The following KCTD8 variants were observed in gnomAD, a reference collection of about 807,000 sequenced individuals.
KCTD8 encodes the protein potassium channel tetramerization domain containing 8.
A neutral mutation model predicts 31.5 loss-of-function variants in KCTD8; 27 were observed. That is an observed-to-expected ratio of 0.86 (90% CI 0.63 to 1.18). The LOEUF is 1.18. Ranked by LOEUF, KCTD8 falls within the 50% of genes most tolerant of loss-of-function variation. The pLI, the probability that KCTD8 is intolerant of heterozygous loss-of-function variation, is 0.00. For missense variants in KCTD8, 658 were observed against 647.7 expected (o/e 1.02, Z -0.17); for synonymous variants, 290 against 280.0 (o/e 1.04, Z -0.36).
chr4:44,207,364 A>G (rs1433329999), intron 1 of KCTD8, among the ~76,000 whole-genome samples: 3 of 152,056 alleles, frequency 2.0e-5, no homozygotes, highest in Admixed American at 6.6e-5. Context: ...CCCCATCTCT[A>G]CTTCTTCCTG....
chr4:44,197,835 C>A (rs1467925755), intron 1 of KCTD8, among the ~76,000 whole-genome samples: 1 of 152,158 alleles, frequency 6.6e-6, no homozygotes, highest in Non-Finnish European at 1.5e-5. Flanking sequence ...AAATAACAGA[C>A]ACAGAATTCA....
chr4:44,287,083 T>C (rs528628747), intron 1 of KCTD8, among the ~76,000 whole-genome samples: 1 of 152,132 alleles, frequency 6.6e-6, no homozygotes. Context: ...AAACATCCTA[T>C]AGATATAAAC....
In KCTD8 at chr4:44,300,339, G is replaced by GA. The variant is rs200322603; in HGVS notation, c.962-125090dup. On this transcript the variant is annotated intron_variant, in intron 1 of 1. Transcript: ENST00000360029. ...GGATCTAATTACAATCATGCTATCA[G>GA]AAAAAAAAGGTTATATTCATGTACA... is the stretch of plus-strand genomic sequence containing the variant. Among the ~76,000 whole-genome samples the GA allele has an allele frequency of 1.7e-4, 26 of 151,130 alleles. No homozygotes were observed. The South Asian group carries it at 2.5e-3, about 15-fold the overall frequency.
At chr4:44,286,851 T>C (rs767160294) in intron 1 of KCTD8, among the ~76,000 whole-genome samples, 3 of 151,896 alleles carry the variant, frequency 2.0e-5, no homozygotes, top group Non-Finnish European at 4.4e-5. Flanking sequence ...AAGATGATGG[T>C]GAGAGTGGAT....
chr4:44,362,458 G>A (rs1719523089), intron 1 of KCTD8, among the ~76,000 whole-genome samples: 1 of 151,986 alleles, frequency 6.6e-6, no homozygotes. Context: ...CAAATACATA[G>A]TCTTTCTACA....
chr4:44,282,200 T>C (rs1356630323), intron 1 of KCTD8, among the ~76,000 whole-genome samples: 1 of 152,032 alleles, frequency 6.6e-6, no homozygotes, highest in Non-Finnish European at 1.5e-5. Flanking sequence ...GGGGTCATTT[T>C]CCCAGTAGCA....
chr4:44,176,620 T>C lies in KCTD8; in HGVS notation c.962-1370A>G, dbSNP rs141761344. Among the ~76,000 whole-genome samples, 798 of 152,330 alleles carry C rather than the reference T, an allele frequency of 5.2e-3. 3 individuals are homozygous for C. The highest frequency in any genetic ancestry group is 0.019 in the African/African-American group (783 of 41,592). On this transcript the variant is annotated intron_variant, in intron 1 of 1. Transcript: ENST00000360029. ...TTCTATTCAAAAATTAGAAGAAACA[T>C]AAGTCAATGCCAAATATCGAATTAA...
At chr4:44,362,052 T>C (rs1719511565) in intron 1 of KCTD8, among the ~76,000 whole-genome samples, 1 of 152,130 alleles carries the variant, frequency 6.6e-6, no homozygotes, top group Non-Finnish European at 1.5e-5. Context: ...ATTGGTAGCA[T>C]TTCAACAAAT....
chr4:44,369,312 T>G (rs1719722146), intron 1 of KCTD8, among the ~76,000 whole-genome samples: 1 of 152,230 alleles, frequency 6.6e-6, no homozygotes, highest in Non-Finnish European at 1.5e-5. Flanking sequence ...GTCTGCCTTC[T>G]ATATAGAAGA....
At chr4:44,321,341 T>C (rs1718291383) in intron 1 of KCTD8, among the ~76,000 whole-genome samples, 1 of 152,206 alleles carries the variant, frequency 6.6e-6, no homozygotes, top group Non-Finnish European at 1.5e-5. Context: ...GTTCCTCAAC[T>C]TGATGGCAAC....
intron 1 of KCTD8, among the ~76,000 whole-genome samples, chr4:44,347,921 T>C (rs1185458436): frequency 1.3e-5 from 2 of 152,190 alleles, no homozygotes; most frequent in Admixed American, 6.5e-5. Context: ...TAGGGCATAA[T>C]ACAGCCTTTC....
chr4:44,259,961 T>A (rs1716112944), intron 1 of KCTD8, among the ~76,000 whole-genome samples: 1 of 151,798 alleles, frequency 6.6e-6, no homozygotes, highest in South Asian at 2.1e-4. Flanking sequence ...ATATCATAGG[T>A]TTAAATGTGA....
chr4:44,212,883 C>G (rs1172912906), intron 1 of KCTD8, among the ~76,000 whole-genome samples: 2 of 152,008 alleles, frequency 1.3e-5, no homozygotes, highest in Non-Finnish European at 2.9e-5. Context: ...TTCATTTTTA[C>G]TTTGTTTCAC....
intron 1 of KCTD8, among the ~76,000 whole-genome samples, chr4:44,306,442 A>C (rs967568304): frequency 6.6e-6 from 1 of 152,050 alleles, no homozygotes; most frequent in African/African-American, 2.4e-5. Context: ...GGCTTTTTCT[A>C]ATATAATTTA....
chr4:44,439,902 T>TATG (rs1721774298), intron 1 of KCTD8, among the ~76,000 whole-genome samples: 1 of 37,344 alleles, frequency 2.7e-5, no homozygotes, highest in South Asian at 9.6e-4. Flanking sequence ...TCATTTATTT[T>TATG]TATTTATTTA....
intron 1 of KCTD8, among the ~76,000 whole-genome samples, chr4:44,407,614 G>A (rs1384265844): frequency 2.0e-5 from 3 of 151,874 alleles, no homozygotes; most frequent in East Asian, 1.9e-4. Flanking sequence ...TCAAACCCCC[G>A]ACCTCAGATG....
In KCTD8 at chr4:44,415,049, G is replaced by A. The variant is rs544342270; in HGVS notation, c.961+32514C>T. 3.9e-5 allele frequency among the ~76,000 whole-genome samples: 6 copies of A among 152,300 alleles called. No individual in the cohort carries two copies. In the South Asian group the frequency reaches 1.0e-3, roughly 26 times the overall value. On this transcript the variant is annotated intron_variant, in intron 1 of 1. Transcript: ENST00000360029. ...AATATGGACAAAGGACAGGCTGATG[G>A]AGTCTCAGACAGAAATGAGAAAGTT...
At chr4:44,444,671 CAG>C (rs552916139) in intron 1 of KCTD8, among the ~76,000 whole-genome samples, 1 of 151,862 alleles carries the variant, frequency 6.6e-6, no homozygotes, top group African/African-American at 2.4e-5. Flanking sequence ...GAAACCAAGA[CAG>C]AGAACAAGTA....
Position 44,336,882 on chromosome 4 carries a change from A to G in KCTD8, c.961+110681T>C, listed in dbSNP as rs1466631081. On this transcript the variant is annotated intron_variant, in intron 1 of 1. Transcript: ENST00000360029. ...ATCTTCACTGTATATCAAATAAAACAATAAAATGAAACTGCCATATAACAA... is the reference window on the plus strand; with the variant it reads ...ATCTTCACTGTATATCAAATAAAACGATAAAATGAAACTGCCATATAACAA... Among the ~76,000 whole-genome samples the G allele has an allele frequency of 2.6e-5, 4 of 152,098 alleles. No individual in the cohort carries two copies. The East Asian group carries it at 7.7e-4, about 29-fold the overall frequency.
Sources: allele counts gnomAD v4.1 joint callset (sites outside exome capture counted in the v4.1 genomes callset), GRCh38; gene constraint gnomAD v4.1.1; transcripts MANE v1.5; gene names NCBI Gene and HGNC (gene_info 2026-07-23, HGNC 2026-07-21).